PPFIA2: variants seen among roughly 807,000 people sequenced by gnomAD.
PPFIA2 encodes PPFI scaffold protein A2.
In PPFIA2, 46 loss-of-function variants were observed where a neutral mutation model predicts 175.5. That is an observed-to-expected ratio of 0.26 (90% CI 0.21 to 0.34). PPFIA2 has a LOEUF of 0.34. Among genes scored for constraint, PPFIA2 ranks in the 10% least tolerant of loss-of-function variants. The probability of loss-of-function intolerance (pLI) is 1.00; values close to 1 mark genes in which losing one functional copy is unlikely to be tolerated. For missense variants in PPFIA2, 1,179 were observed against 1,506.1 expected, an observed-to-expected ratio of 0.78 and a Z score of 3.60; for synonymous variants, 568 against 511.4, an observed-to-expected ratio of 1.11 and a Z score of -1.49.
chr12:81,444,412 T>C (rs1386177315), intron 6 of PPFIA2, among the ~76,000 whole-genome samples: 1 of 152,160 alleles, frequency 6.6e-6, no homozygotes, highest in Non-Finnish European at 1.5e-5. Flanking sequence ...CTTAGCACTT[T>C]TATAAAAAGA....
At chr12:81,589,830 A>G (rs561107202) in intron 4 of PPFIA2, among the ~76,000 whole-genome samples, 1 of 152,174 alleles carries the variant, frequency 6.6e-6, no homozygotes, top group South Asian at 2.1e-4. Context: ...AAGCTACTGA[A>G]TTGTTCCCTC....
Position 81,424,552 on chromosome 12 carries a change from T to C in PPFIA2, c.645+15420A>G, listed in dbSNP as rs1566769623. Among the ~76,000 whole-genome samples, 3 of 152,186 alleles carry C rather than the reference T, an allele frequency of 2.0e-5. No individual in the cohort carries two copies. In the East Asian group the frequency reaches 5.8e-4, roughly 29 times the overall value. ...CAAACATTCTTTATGTTTTGTGTGTTCTAGAGTCTGCTTTTTGTACATTAA... is the reference window on the plus strand; with the variant it reads ...CAAACATTCTTTATGTTTTGTGTGTCCTAGAGTCTGCTTTTTGTACATTAA... On this transcript the variant is annotated intron_variant, in intron 7 of 32. Transcript: ENST00000549396.
At chr12:81,473,916 T>G (rs2057121577) in intron 4 of PPFIA2, among the ~76,000 whole-genome samples, 1 of 152,214 alleles carries the variant, frequency 6.6e-6, no homozygotes, top group African/African-American at 2.4e-5. Flanking sequence ...TTACTCATTT[T>G]TATTTATGTA....
chr12:81,408,507 A>G (rs1282712293), intron 7 of PPFIA2, among the ~76,000 whole-genome samples: 1 of 152,214 alleles, frequency 6.6e-6, no homozygotes, highest in African/African-American at 2.4e-5. Context: ...TGTTTAATAA[A>G]CAGATGACTT....
intron 3 of PPFIA2, among the ~76,000 whole-genome samples, chr12:81,680,452 T>A (rs1472179473): frequency 1.3e-5 from 2 of 152,092 alleles, no homozygotes; most frequent in African/African-American, 2.4e-5. Flanking sequence ...TGTATTTTTT[T>A]AATTACCAGT....
chr12:81,576,181 A>G (rs1393436499), intron 4 of PPFIA2, among the ~76,000 whole-genome samples: 1 of 151,688 alleles, frequency 6.6e-6, no homozygotes, highest in Non-Finnish European at 1.5e-5. Flanking sequence ...GTGTCCTTCA[A>G]TAAAGCAGAA....
At position 81,455,793 on chromosome 12, in the gene PPFIA2, G is replaced by A. The variant is rs145489432; in HGVS notation, c.405+1972C>T. Among the ~76,000 whole-genome samples, 432 of 152,274 alleles carry A rather than the reference G, an allele frequency of 2.8e-3. 2 individuals carry two copies. The highest frequency in any genetic ancestry group is 9.8e-3 in the African/African-American group (407 of 41,550). Reference sequence around the variant, plus strand: ...CTGATGGCCTCATGGTTAGTGCACAGGCTCTGGATTTAGACTGCCTTACCT... The same window carrying A: ...CTGATGGCCTCATGGTTAGTGCACAAGCTCTGGATTTAGACTGCCTTACCT... On this transcript the variant is annotated intron_variant, in intron 5 of 32. Coordinates refer to ENST00000549396, the MANE Select transcript of PPFIA2 (RefSeq NM_003625.5).
intron 27 of PPFIA2, 121 bp downstream of exon 27, chr12:81,281,133 AACG>A (rs1016748003): frequency 3.9e-6 from 3 of 773,650 alleles, no homozygotes; most frequent in Non-Finnish European, 5.8e-6. Context: ...GATGTATACA[AACG>A]ATGTTTCAAA....
At chr12:81,637,819 C>T (rs2064311782) in intron 4 of PPFIA2, among the ~76,000 whole-genome samples, 1 of 151,998 alleles carries the variant, frequency 6.6e-6, no homozygotes, top group Non-Finnish European at 1.5e-5. Context: ...TATCATGTGC[C>T]ATATACCATG....
At chr12:81,578,687 T>C (rs1343053378) in intron 4 of PPFIA2, among the ~76,000 whole-genome samples, 1 of 151,856 alleles carries the variant, frequency 6.6e-6, no homozygotes, top group African/African-American at 2.4e-5. Flanking sequence ...ATAGGTTTTA[T>C]TATTTTCATT....
intron 23 of PPFIA2, among the ~76,000 whole-genome samples, chr12:81,298,638 G>A (rs1273748519): frequency 6.6e-6 from 1 of 152,290 alleles, no homozygotes; most frequent in South Asian, 2.1e-4. Context: ...ACAGCCCTTC[G>A]TAGTCAAATA....
chr12:81,286,992 A>C (rs1044155878), intron 24 of PPFIA2, among the ~76,000 whole-genome samples: 1 of 152,006 alleles, frequency 6.6e-6, no homozygotes, highest in African/African-American at 2.4e-5. Context: ...AAATCATTAC[A>C]TTACTTGGAA....
intron 4 of PPFIA2, among the ~76,000 whole-genome samples, chr12:81,612,978 T>C (rs1030768173): frequency 2.6e-5 from 4 of 152,220 alleles, no homozygotes; most frequent in African/African-American, 9.6e-5. Context: ...TGATAGCCCA[T>C]AATGACCTTT....
At chr12:81,750,649 C>T (rs757829257) in intron 3 of PPFIA2, among the ~76,000 whole-genome samples, 5 of 152,012 alleles carry the variant, frequency 3.3e-5, no homozygotes, top group East Asian at 1.9e-4. Flanking sequence ...ACTTTTTAAA[C>T]GCAGATATAC....
chr12:81,710,799 A>T (rs2077801248), intron 3 of PPFIA2, among the ~76,000 whole-genome samples: 1 of 148,214 alleles, frequency 6.7e-6, no homozygotes, highest in Non-Finnish European at 1.5e-5. Context: ...GGAATTTTTC[A>T]CTTGTGACAT....
At chr12:81,291,487 T>C (rs1232301989) in intron 24 of PPFIA2, among the ~76,000 whole-genome samples, 2 of 151,978 alleles carry the variant, frequency 1.3e-5, no homozygotes, top group Non-Finnish European at 2.9e-5. Context: ...ACGTTTCTTA[T>C]ACTTCAGCAG....
intron 4 of PPFIA2, among the ~76,000 whole-genome samples, chr12:81,583,825 G>T (rs2074781028): frequency 6.6e-6 from 1 of 151,946 alleles, no homozygotes; most frequent in East Asian, 1.9e-4. Context: ...TGTCTGCCAT[G>T]GAGAAGCTCT....
At chr12:81,366,209 AT>A (rs946804241) in intron 14 of PPFIA2, among the ~76,000 whole-genome samples, 5 of 151,538 alleles carry the variant, frequency 3.3e-5, no homozygotes, top group African/African-American at 4.8e-5. Context: ...CTTTAAAAAA[AT>A]AAGATAAAAT....
At chr12:81,351,129 G>T (rs1481487059) in intron 17 of PPFIA2, among the ~76,000 whole-genome samples, 1 of 152,056 alleles carries the variant, frequency 6.6e-6, no homozygotes, top group Non-Finnish European at 1.5e-5. Flanking sequence ...CTCAATATTT[G>T]AAATGTTAAT....
Sources: gnomAD v4.1 joint callset for allele counts (sites outside exome capture counted in the v4.1 genomes callset) on GRCh38, gnomAD v4.1.1 for gene constraint, MANE v1.5 for transcripts, NCBI Gene and HGNC (gene_info 2026-07-23, HGNC 2026-07-21) for gene names.